The following ARMC8 variants were observed in gnomAD, a reference collection of about 807,000 sequenced individuals.
ARMC8 encodes armadillo repeat-containing protein 8.
ARMC8 carries 20 observed loss-of-function variants against 99.3 expected under a neutral mutation model. The observed-to-expected ratio is 0.20, with a 90% CI of 0.14 to 0.29. ARMC8 has a LOEUF of 0.29. ARMC8 is among the 10% of genes least tolerant of loss of function. The pLI is 1.00. For missense variants in ARMC8, 569 were observed against 809.5 expected (o/e 0.70, Z 3.60); for synonymous variants, 263 against 278.3 (o/e 0.95, Z 0.55).
At chr3:138,213,555 G>A (rs1037712232) in intron 2 of ARMC8, among the ~76,000 whole-genome samples, 48 of 152,146 alleles carry the variant, frequency 3.2e-4, no homozygotes, top group African/African-American at 1.1e-3. Flanking sequence ...TCACTGTGTA[G>A]GTCATAAAGC....
chr3:138,295,759 T>C, intron 21 of ARMC8, 100 bp from the exon 22 acceptor site: 1 of 1,389,174 alleles, frequency 7.2e-7, no homozygotes, highest in East Asian at 2.3e-5. Context: ...TCTGGAGATT[T>C]ACTTTTTTAG....
At chr3:138,264,617 A>G (rs561859960) in intron 14 of ARMC8, among the ~76,000 whole-genome samples, 39 of 150,932 alleles carry the variant, frequency 2.6e-4, no homozygotes, top group Admixed American at 7.9e-4. Flanking sequence ...GCGGGGTTTC[A>G]CCATATTGGT....
intron 1 of ARMC8, among the ~76,000 whole-genome samples, chr3:138,207,676 G>A (rs1415133794): frequency 6.6e-6 from 1 of 152,112 alleles, no homozygotes; most frequent in Non-Finnish European, 1.5e-5. Context: ...CAGTTCTTCT[G>A]TAGCTTTTGG....
chr3:138,241,688 TA>T, intron 10 of ARMC8, 94 bp from the exon 11 acceptor site: 1 of 1,033,674 alleles, frequency 9.7e-7, no homozygotes, highest in Non-Finnish European at 1.5e-6. Flanking sequence ...TCATAAACAT[TA>T]CTCCTGATAA....
chr3:138,245,008 T>C, intron 11 of ARMC8, 80 bp from the exon 12 acceptor site: 1 of 1,522,002 alleles, frequency 6.6e-7, no homozygotes, highest in Non-Finnish European at 8.8e-7. Flanking sequence ...TTGTAAACTT[T>C]TTTTTTCTTC....
At chr3:138,284,570 C>CTGT (rs1560047847) in intron 19 of ARMC8, 44 bp downstream of exon 19, 5 of 1,386,220 alleles carry the variant, frequency 3.6e-6, no homozygotes, top group Non-Finnish European at 5.1e-6. Context: ...AATGCAGGGA[C>CTGT]TGTTGCATTT....
chr3:138,284,829 CCT>C (rs1238371794), intron 19 of ARMC8, among the ~76,000 whole-genome samples: 1 of 152,146 alleles, frequency 6.6e-6, no homozygotes, highest in African/African-American at 2.4e-5. Context: ...GCCTCCAGTC[CCT>C]GTCTTCTGTC....
chr3:138,229,929 T>C (rs1428239113), intron 6 of ARMC8, among the ~76,000 whole-genome samples: 1 of 152,194 alleles, frequency 6.6e-6, no homozygotes, highest in Non-Finnish European at 1.5e-5. Context: ...AGAGAACACC[T>C]GGAAGACACA....
chr3:138,238,469 G>T (rs1185110496), intron 9 of ARMC8: 1 of 152,182 alleles, frequency 6.6e-6, no homozygotes, highest in Non-Finnish European at 1.5e-5. Context: ...GTAGGGTTCT[G>T]TGCTAAGTTT....
intron 12 of ARMC8, 22 bp downstream of exon 12, chr3:138,245,205 C>G: frequency 6.2e-7 from 1 of 1,614,184 alleles, no homozygotes; most frequent in Non-Finnish European, 8.5e-7. Context: ...AGAGGGGCGT[C>G]CCCCAGTCCT....
At position 138,228,946 on chromosome 3, in the gene ARMC8, C is replaced by T. The variant is rs2045835589; in HGVS notation, c.464C>T (p.Ala155Val). 2 of 1,609,282 alleles carry T rather than the reference C, an allele frequency of 1.2e-6. No homozygotes were observed. Among genetic ancestry groups the T allele is most frequent in the Non-Finnish European group, 1.7e-6 (2 of 1,177,284 alleles). The change falls in exon 6 of 22, where the codon GCA (alanine) becomes GTA (valine). Residue 155 changes from alanine to valine, a missense_variant. Physicochemically the swap from Ala to Val is moderately conservative, Grantham distance 64. Coordinates refer to ENST00000469044, the MANE Select transcript of ARMC8 (RefSeq NM_001363941.2). The part of the protein sequence containing the change: ...TDATVIPHLM[A>V]LLSRSRYTQE... Reference sequence around the variant, plus strand: ...GCCACAGTGATACCACACCTCATGGCACTGCTTAGCAGGTCCCGCTATACC... The same window carrying T: ...GCCACAGTGATACCACACCTCATGGTACTGCTTAGCAGGTCCCGCTATACC...
chr3:138,232,754 G>A (rs943289190), intron 6 of ARMC8, among the ~76,000 whole-genome samples: 5 of 152,186 alleles, frequency 3.3e-5, no homozygotes, highest in Admixed American at 2.6e-4. Flanking sequence ...TTAAAATGGG[G>A]GAAGAATATA....
At chr3:138,267,372 A>C in intron 15 of ARMC8, 131 bp downstream of exon 15, 2 of 561,272 alleles carry the variant, frequency 3.6e-6, no homozygotes, top group South Asian at 5.1e-5. Context: ...TTGATTGCAT[A>C]GCGGTAGGGG....
chr3:138,201,379 T>A (rs1410847392), intron 1 of ARMC8, among the ~76,000 whole-genome samples: 2 of 150,696 alleles, frequency 1.3e-5, no homozygotes, highest in Non-Finnish European at 3.0e-5. Flanking sequence ...CTTTTTTGCT[T>A]TAGAGCTCTT....
chr3:138,263,951 T>G (rs1406865390), intron 13 of ARMC8, 130 bp downstream of exon 13: 1 of 1,009,734 alleles, frequency 9.9e-7, no homozygotes, highest in Non-Finnish European at 1.5e-6. Context: ...ATTCATAGAG[T>G]ATATAACATT....
At chr3:138,294,838 G>A (rs1283758857) in intron 21 of ARMC8, among the ~76,000 whole-genome samples, 2 of 152,018 alleles carry the variant, frequency 1.3e-5, no homozygotes, top group Non-Finnish European at 2.9e-5. Context: ...GATCAGGATA[G>A]ATTAAGTCAC....
intron 2 of ARMC8, among the ~76,000 whole-genome samples, chr3:138,211,215 T>A (rs2044677615): frequency 6.6e-6 from 1 of 152,190 alleles, no homozygotes; most frequent in African/African-American, 2.4e-5. Flanking sequence ...TCTCCACATA[T>A]AACCAGATAG....
chr3:138,195,171 G>A (rs375709259), intron 1 of ARMC8, among the ~76,000 whole-genome samples: 13 of 152,070 alleles, frequency 8.5e-5, no homozygotes, highest in East Asian at 7.7e-4. Context: ...CCAGCTACTC[G>A]GGAGGCTGAG....
At chr3:138,228,227 G>A (rs1261352380) in intron 5 of ARMC8, among the ~76,000 whole-genome samples, 1 of 152,200 alleles carries the variant, frequency 6.6e-6, no homozygotes, top group African/African-American at 2.4e-5. Context: ...AGATCTGCCC[G>A]CCTTGGCCTC....
Sources: gnomAD v4.1 joint callset for allele counts (sites outside exome capture counted in the v4.1 genomes callset) on GRCh38, gnomAD v4.1.1 for gene constraint, MANE v1.5 for transcripts, NCBI Gene and HGNC (gene_info 2026-07-23, HGNC 2026-07-21) for gene names.